Variants in CERKL observed in about 807,000 individuals in gnomAD.
The protein encoded by CERKL is ceramide kinase-like protein.
A neutral mutation model predicts 63.4 loss-of-function variants in CERKL; 61 were observed. That is an observed-to-expected ratio of 0.96 (90% CI 0.78 to 1.19). The LOEUF (loss-of-function observed/expected upper bound fraction) is 1.19, where lower values mean the gene tolerates loss of function less well. CERKL is among the 50% of genes most tolerant of loss of function. CERKL has a pLI of 0.00. For synonymous variants in CERKL, 250 were observed against 230.5 expected (o/e 1.08, Z -0.77); for missense variants, 675 against 655.5 (o/e 1.03, Z -0.33).
In CERKL at chr2:181,657,087, T is replaced by G. The variant is rs1281336608; in HGVS notation, c.-81A>C. Reference sequence around the variant, plus strand: ...AGGTGGAGGGCGCGGCAGCCCCAGCTCTAGCCGCGTCCAGCGCTGCCACAG... The same window carrying G: ...AGGTGGAGGGCGCGGCAGCCCCAGCGCTAGCCGCGTCCAGCGCTGCCACAG... On this transcript the variant is annotated 5_prime_UTR_variant, in exon 1 of 13. Coordinates refer to ENST00000410087, the MANE Select transcript of CERKL (RefSeq NM_201548.5). 7.8e-7 allele frequency: 1 copy of G among 1,290,090 alleles called. No individual in the cohort carries two copies. 79.9% of individuals were successfully genotyped at this position (1,290,090 alleles called of 1,614,324 possible).
intron 12 of CERKL, among the ~76,000 whole-genome samples, chr2:181,538,577 G>A (rs1055188066): frequency 5.3e-5 from 8 of 152,176 alleles, no homozygotes; most frequent in Non-Finnish European, 7.4e-5. Context: ...CCAAGAATGC[G>A]TTTGCAGGTT....
chr2:181,597,832 G>A (rs1053896114), intron 2 of CERKL, among the ~76,000 whole-genome samples: 1 of 152,114 alleles, frequency 6.6e-6, no homozygotes, highest in African/African-American at 2.4e-5. Flanking sequence ...AAAAGCCCAG[G>A]GGGCCAGCAA....
chr2:181,591,041 C>A (rs2105875778), intron 2 of CERKL, among the ~76,000 whole-genome samples: 1 of 152,130 alleles, frequency 6.6e-6, no homozygotes, highest in South Asian at 2.1e-4. Flanking sequence ...ATGGTACAGA[C>A]AACACAATGA....
At chr2:181,549,496 G>A in intron 6 of CERKL, 138 bp downstream of exon 6, 1 of 700,548 alleles carries the variant, frequency 1.4e-6, no homozygotes. Context: ...TTGCCTTTTG[G>A]TTTTTTAGTC....
intron 1 of CERKL, among the ~76,000 whole-genome samples, chr2:181,636,936 TGTGAATATCTGAAGACA>T (rs1687205234): frequency 1.3e-5 from 2 of 152,206 alleles, no homozygotes; most frequent in Non-Finnish European, 2.9e-5. Context: ...TCCTGAAGAT[TGTGAATATCTGAAGACA>T]GAAATCATGT....
At chr2:181,611,405 T>C (rs1003438312) in intron 1 of CERKL, among the ~76,000 whole-genome samples, 9 of 152,004 alleles carry the variant, frequency 5.9e-5, no homozygotes, top group Admixed American at 5.2e-4. Flanking sequence ...ATGCCTGTGA[T>C]TGCAGTGTTT....
rs770788024 is a variant in CERKL, at chr2:181,537,799, C to A, written c.*385G>T. ...AATTTGAATTGATATTTCATCTTGA[C>A]TTTTAAAGCCCTAGAGGCTAATTGT... is the stretch of plus-strand genomic sequence containing the variant. On this transcript the variant is annotated 3_prime_UTR_variant, in exon 13 of 13. Coordinates refer to ENST00000410087, the MANE Select transcript of CERKL (RefSeq NM_201548.5). The A allele has an allele frequency of 1.1e-5, 5 of 463,380 alleles. No individual in the cohort carries two copies. Among genetic ancestry groups the A allele is most frequent in the African/African-American group, 5.9e-5 (3 of 50,448 alleles). 28.7% of individuals were successfully genotyped at this position (463,380 alleles called of 1,614,324 possible). A position where few individuals can be genotyped will look rare whatever the true frequency, so the allele number is the denominator to read the frequency against.
At chr2:181,635,840 A>G (rs1210833792) in intron 1 of CERKL, among the ~76,000 whole-genome samples, 1 of 152,218 alleles carries the variant, frequency 6.6e-6, no homozygotes, top group Non-Finnish European at 1.5e-5. Context: ...TGACATCTTT[A>G]CAAATGACTA....
intron 3 of CERKL, 129 bp downstream of exon 3, chr2:181,573,624 G>T: frequency 1.5e-6 from 1 of 678,608 alleles, no homozygotes. Flanking sequence ...GCTGCAGTAG[G>T]TTATGAAGAC....
chr2:181,643,858 C>A (rs751359052), intron 1 of CERKL, among the ~76,000 whole-genome samples: 15 of 152,170 alleles, frequency 9.9e-5, no homozygotes, highest in Non-Finnish European at 2.1e-4. Flanking sequence ...GAAATAATGA[C>A]ATTATATTTA....
At chr2:181,634,310 T>C (rs1023585904) in intron 1 of CERKL, among the ~76,000 whole-genome samples, 10 of 152,112 alleles carry the variant, frequency 6.6e-5, no homozygotes, top group Non-Finnish European at 1.5e-4. Context: ...TACAAAAACA[T>C]AAGCATATGT....
At chr2:181,602,366 C>T (rs1685492353) in intron 2 of CERKL, among the ~76,000 whole-genome samples, 1 of 152,222 alleles carries the variant, frequency 6.6e-6, no homozygotes, top group Non-Finnish European at 1.5e-5. Context: ...TTTACTTCCA[C>T]TGAAATTATT....
intron 2 of CERKL, among the ~76,000 whole-genome samples, chr2:181,601,380 C>T (rs930653482): frequency 1.3e-5 from 2 of 151,966 alleles, no homozygotes; most frequent in African/African-American, 2.4e-5. Context: ...GCCAACATGG[C>T]GAAACCCCAT....
chr2:181,577,496 A>G (rs773119831), intron 2 of CERKL, among the ~76,000 whole-genome samples: 10 of 152,200 alleles, frequency 6.6e-5, no homozygotes, highest in Non-Finnish European at 1.5e-4. Context: ...ACTTTAGAGG[A>G]CTGCAAGGAA....
At chr2:181,631,463 C>T (rs934129760) in intron 1 of CERKL, among the ~76,000 whole-genome samples, 1 of 152,040 alleles carries the variant, frequency 6.6e-6, no homozygotes, top group Non-Finnish European at 1.5e-5. Flanking sequence ...GAAAAATGGC[C>T]CTTTAACCAC....
rs1280562115 is a variant in CERKL, at chr2:181,537,278, A to AGAAACAACTATATATTTCAGGTT, written c.*883_*905dup. On this transcript the variant is annotated 3_prime_UTR_variant, in exon 13 of 13. Transcript: ENST00000410087. Reference sequence around the variant, plus strand: ...GGTTCTTTCCTACTCAGAACTACTCAGAAACAACTATATATTTCAGGTTAT... The same window carrying AGAAACAACTATATATTTCAGGTT: ...GGTTCTTTCCTACTCAGAACTACTCAGAAACAACTATATATTTCAGGTTGAAACAACTATATATTTCAGGTTAT... 2.2e-6 allele frequency: 1 copy of AGAAACAACTATATATTTCAGGTT among 453,562 alleles called. No homozygotes were observed. The highest frequency in any genetic ancestry group is 4.4e-6 in the Non-Finnish European group (1 of 226,502). 28.1% of individuals were successfully genotyped at this position (453,562 alleles called of 1,614,324 possible).
At position 181,538,209 on chromosome 2, in the gene CERKL, C is replaced by T. The variant is rs1450685972; in HGVS notation, c.1574G>A (p.Ser525Asn). 2 of 1,586,878 alleles carry T rather than the reference C, an allele frequency of 1.3e-6. No homozygotes were observed. The highest frequency in any genetic ancestry group is 1.7e-6 in the Non-Finnish European group (2 of 1,156,348). The change falls in exon 13 of 13, where the codon AGC (serine) becomes AAC (asparagine). Residue 525 changes from serine to asparagine, a missense_variant. Transcript: ENST00000410087. ...HPRLISLYGG[S>N]MEEMIPK ...TTACTTTGGAATCATTTCTTCCATGCTTCCTCCATAAAGACTGATAAGTCT... is the reference window on the plus strand; with the variant it reads ...TTACTTTGGAATCATTTCTTCCATGTTTCCTCCATAAAGACTGATAAGTCT...
At chr2:181,571,163 T>C (rs1262909038) in intron 3 of CERKL, among the ~76,000 whole-genome samples, 2 of 152,162 alleles carry the variant, frequency 1.3e-5, no homozygotes, top group Non-Finnish European at 2.9e-5. Context: ...CACAGGTTTA[T>C]TCAAGAAATA....
At chr2:181,646,361 T>C (rs1687670975) in intron 1 of CERKL, among the ~76,000 whole-genome samples, 1 of 152,242 alleles carries the variant, frequency 6.6e-6, no homozygotes, top group South Asian at 2.1e-4. Flanking sequence ...TAATTCTAGT[T>C]ATCCTAGTTA....
Sources: gnomAD v4.1 joint callset for allele counts (sites outside exome capture counted in the v4.1 genomes callset) on GRCh38, gnomAD v4.1.1 for gene constraint, MANE v1.5 for transcripts, NCBI Gene and HGNC (gene_info 2026-07-23, HGNC 2026-07-21) for gene names.